CACNA1C: variants seen among roughly 807,000 people sequenced by gnomAD.
CACNA1C encodes calcium voltage-gated channel subunit alpha1 C, also known as voltage-dependent L-type calcium channel subunit alpha-1C.
A neutral mutation model predicts 229.0 loss-of-function variants in CACNA1C; 30 were observed. That is an observed-to-expected ratio of 0.13 (90% CI 0.10 to 0.18). The LOEUF is 0.18. CACNA1C is among the 10% of genes least tolerant of loss of function. The pLI, the probability that CACNA1C is intolerant of heterozygous loss-of-function variation, is 1.00. For synonymous variants in CACNA1C, 1,114 were observed against 1,132.5 expected (o/e 0.98, Z 0.33); for missense variants, 1,658 against 2,845.0 (o/e 0.58, Z 9.49).
intron 8 of CACNA1C, among the ~76,000 whole-genome samples, chr12:2,509,932 T>C (rs1257700547): frequency 1.3e-5 from 2 of 152,216 alleles, no homozygotes; most frequent in Non-Finnish European, 2.9e-5. Context: ...AGTAGGCGCA[T>C]TTGTAGATGT....
intron 3 of CACNA1C, among the ~76,000 whole-genome samples, chr12:2,303,503 A>ACC (rs2094744788): frequency 6.6e-6 from 1 of 151,892 alleles, no homozygotes; most frequent in Non-Finnish European, 1.5e-5. Flanking sequence ...AGTGGCTCAC[A>ACC]CCCGTAACCC....
In CACNA1C at chr12:2,187,228, A is replaced by G. The variant is rs536198779; in HGVS notation, c.477+66798A>G. 3.0e-4 allele frequency among the ~76,000 whole-genome samples: 45 copies of G among 152,304 alleles called. No homozygotes were observed. In the South Asian group the frequency reaches 8.7e-3, roughly 29 times the overall value. The stretch of plus-strand genomic sequence containing the variant: ...GGGAAACTGAGGTCAGAGAGGTTAA[A>G]TGATTGCCTGGGGTGGCACTGCCTA... On this transcript the variant is annotated intron_variant, in intron 3 of 46. Coordinates refer to ENST00000399655, the MANE Select transcript of CACNA1C (RefSeq NM_000719.7).
chr12:2,333,980 T>C (rs993982693), intron 3 of CACNA1C, among the ~76,000 whole-genome samples: 4 of 152,144 alleles, frequency 2.6e-5, no homozygotes, highest in Non-Finnish European at 5.9e-5. Flanking sequence ...CTTTATCCCT[T>C]CTTACTCCTT....
intron 3 of CACNA1C, among the ~76,000 whole-genome samples, chr12:2,425,085 C>T (rs1486354053): frequency 6.6e-6 from 1 of 152,252 alleles, no homozygotes; most frequent in East Asian, 1.9e-4. Context: ...CTGTCACATT[C>T]CCCAGGGAGG....
intron 18 of CACNA1C, among the ~76,000 whole-genome samples, chr12:2,589,371 A>G (rs536646803): frequency 1.3e-5 from 2 of 152,242 alleles, no homozygotes; most frequent in African/African-American, 2.4e-5. Flanking sequence ...CTCTGAGGAC[A>G]CAGCATTTGA....
rs140856219 is a variant in CACNA1C, at chr12:2,460,193, C to T, written c.757+2487C>T. Among the ~76,000 whole-genome samples the T allele has an allele frequency of 4.3e-3, 652 of 152,328 alleles. 7 individuals are homozygous for T. Among genetic ancestry groups the T allele is most frequent in the African/African-American group, 0.015 (636 of 41,574 alleles). On this transcript the variant is annotated intron_variant, in intron 5 of 46. Transcript: ENST00000399655. ...TTGTCATGGCTGGGGGAGGTGCTCACAAAATGGGGCTTAGAGCCAAACCGC... is the reference window on the plus strand; with the variant it reads ...TTGTCATGGCTGGGGGAGGTGCTCATAAAATGGGGCTTAGAGCCAAACCGC...
chr12:2,206,743 G>T lies in CACNA1C; in HGVS notation c.477+86313G>T, dbSNP rs1436139572. Among the ~76,000 whole-genome samples, 4 of 152,272 alleles carry T rather than the reference G, an allele frequency of 2.6e-5. No individual in the cohort carries two copies. The East Asian group carries it at 7.7e-4, about 29-fold the overall frequency. Reference sequence around the variant, plus strand: ...CATCTACTAACTAGGTAGTCCATAGGTGCATATTATATGCATGTAATGGAC... The same window carrying T: ...CATCTACTAACTAGGTAGTCCATAGTTGCATATTATATGCATGTAATGGAC... On this transcript the variant is annotated intron_variant, in intron 3 of 46. Coordinates refer to ENST00000399655, the MANE Select transcript of CACNA1C (RefSeq NM_000719.7).
intron 12 of CACNA1C, 89 bp from the exon 13 acceptor site, chr12:2,567,480 T>G: frequency 7.6e-6 from 6 of 785,118 alleles, no homozygotes; most frequent in Non-Finnish European, 1.2e-5. Context: ...TTTTTTCCAA[T>G]GGAGATAATT....
chr12:2,576,301 G>A (rs985423208), intron 13 of CACNA1C, among the ~76,000 whole-genome samples: 5 of 152,186 alleles, frequency 3.3e-5, no homozygotes, highest in African/African-American at 7.2e-5. Context: ...TGATGGCGAC[G>A]CAGGCAGAGT....
chr12:2,634,214 T>A, intron 29 of CACNA1C, 83 bp from the exon 30 acceptor site: 11 of 472,858 alleles, frequency 2.3e-5, no homozygotes, highest in Non-Finnish European at 3.2e-5. Flanking sequence ...TTTTTTTTCA[T>A]TTTTCCTCTT....
intron 1 of CACNA1C, chr12:1,997,869 G>A: frequency 7.7e-7 from 1 of 1,295,496 alleles, no homozygotes; most frequent in Non-Finnish European, 1.1e-6. Flanking sequence ...TTGAAGAAGA[G>A]TGACACAACG....
chr12:2,059,279 G>A (rs182489942), intron 1 of CACNA1C, among the ~76,000 whole-genome samples: 1 of 152,186 alleles, frequency 6.6e-6, no homozygotes, highest in African/African-American at 2.4e-5. Flanking sequence ...GTGTCTGGGA[G>A]GGTTTGGGGA....
rs1594444175 is a variant in CACNA1C at position 2,053,419 on chromosome 12, A to G, written c.-144A>G. Reference sequence around the variant, plus strand: ...ATCAGGTAATCGTCGGCGGGGAAGAAGAAACGCTGCAGACCACGGCTTCCT... The same window carrying G: ...ATCAGGTAATCGTCGGCGGGGAAGAGGAAACGCTGCAGACCACGGCTTCCT... On this transcript the variant is annotated 5_prime_UTR_variant, in exon 1 of 47. Transcript: ENST00000399655. The surrounding 1 kb of genome is among the most constrained non-coding windows in gnomAD (Gnocchi z 5.8). 7.1e-7 allele frequency: 1 copy of G among 1,413,786 alleles called. No homozygotes were observed. Among genetic ancestry groups the G allele is most frequent in the South Asian group, 1.6e-5 (1 of 61,818 alleles). The allele number at this position is 1,413,786 out of a possible 1,614,324, so 87.6% of individuals were successfully genotyped here. A position where few individuals can be genotyped will look rare whatever the true frequency, so the allele number is the denominator to read the frequency against.
intron 3 of CACNA1C, among the ~76,000 whole-genome samples, chr12:2,409,667 C>T (rs563594436): frequency 1.3e-5 from 2 of 152,328 alleles, no homozygotes; most frequent in South Asian, 4.1e-4. Context: ...GCCTTGATTG[C>T]GGGTCCTCTT....
rs1261635136 is a variant in CACNA1C at position 2,607,144 on chromosome 12, G to T, written c.3356+14G>T. 1 of 1,606,298 alleles carries T rather than the reference G, an allele frequency of 6.2e-7. No individual in the cohort carries two copies. The highest frequency in any genetic ancestry group is 8.5e-7 in the Non-Finnish European group (1 of 1,175,528). ...AGGGTGGCCAGAGTGAGTATGCAAAGCAAGGCCCCACGAGCCCTGACATTC... is the reference window on the plus strand; with the variant it reads ...AGGGTGGCCAGAGTGAGTATGCAAATCAAGGCCCCACGAGCCCTGACATTC... On this transcript the variant is annotated intron_variant, in intron 26 of 46. Transcript: ENST00000399655.
At chr12:2,621,836 T>C (rs1254485467) in intron 29 of CACNA1C, among the ~76,000 whole-genome samples, 1 of 152,098 alleles carries the variant, frequency 6.6e-6, no homozygotes, top group Non-Finnish European at 1.5e-5. Flanking sequence ...AAAGTGAGAA[T>C]GTGGGGATAT....
chr12:2,239,841 G>A (rs1184077004), intron 3 of CACNA1C, among the ~76,000 whole-genome samples: 5 of 152,216 alleles, frequency 3.3e-5, no homozygotes, highest in Non-Finnish European at 7.3e-5. Flanking sequence ...TGAAGGCTGA[G>A]GATGCCCAGA....
At chr12:2,499,318 A>G (rs1322700214) in intron 7 of CACNA1C, among the ~76,000 whole-genome samples, 2 of 152,086 alleles carry the variant, frequency 1.3e-5, no homozygotes, top group Admixed American at 1.3e-4. Context: ...CTGCCTTTCG[A>G]TGGCAGGTGT....
intron 3 of CACNA1C, among the ~76,000 whole-genome samples, chr12:2,196,337 C>A (rs1214586593): frequency 6.6e-6 from 1 of 152,204 alleles, no homozygotes; most frequent in African/African-American, 2.4e-5. Context: ...CTGCTACGCT[C>A]AGGTGATAAA....
Sources: gnomAD v4.1 joint callset for allele counts (sites outside exome capture counted in the v4.1 genomes callset) on GRCh38, gnomAD v4.1.1 for gene constraint, Gnocchi (gnomAD v3.1) non-coding constraint, MANE v1.5 for transcripts, NCBI Gene and HGNC (gene_info 2026-07-23, HGNC 2026-07-21) for gene names.